CSNK1G1: variants seen among roughly 807,000 people sequenced by gnomAD.
CSNK1G1 encodes the protein casein kinase 1 gamma 1.
Under a neutral mutation model 59.6 loss-of-function variants are expected in CSNK1G1, and 22 were observed. That is an observed-to-expected ratio of 0.37 (90% CI 0.26 to 0.53). The LOEUF is 0.53. Ranked by LOEUF, CSNK1G1 falls within the 20% of genes least tolerant of loss-of-function variation. The probability of loss-of-function intolerance (pLI) is 0.89; values close to 1 mark genes in which losing one functional copy is unlikely to be tolerated. For synonymous variants in CSNK1G1, 179 were observed against 177.1 expected (o/e 1.01, Z -0.08); for missense variants, 384 against 519.5 (o/e 0.74, Z 2.54).
intron 1 of CSNK1G1, chr15:64,348,217 T>C (rs761532918): frequency 2.6e-5 from 4 of 152,146 alleles, no homozygotes; most frequent in African/African-American, 7.2e-5. Context: ...GGTGAAACTA[T>C]GTGTAGGAAA....
chr15:64,223,671 C>T (rs1220431061), intron 4 of CSNK1G1, among the ~76,000 whole-genome samples: 1 of 152,170 alleles, frequency 6.6e-6, no homozygotes, highest in Non-Finnish European at 1.5e-5. Flanking sequence ...CCTTTAACTA[C>T]AGGTTAAATC....
At chr15:64,181,146 G>A (rs187974746) in intron 10 of CSNK1G1, 2 of 1,478,050 alleles carry the variant, frequency 1.4e-6, no homozygotes, top group Admixed American at 2.4e-5. Flanking sequence ...CAAGAGGGAA[G>A]ATGGTAAAAA....
chr15:64,311,766 G>A (rs1229805980), intron 1 of CSNK1G1, among the ~76,000 whole-genome samples: 1 of 150,562 alleles, frequency 6.6e-6, no homozygotes, highest in African/African-American at 2.4e-5. Context: ...TGTAATCCCA[G>A]CTACTTGGGT....
chr15:64,172,068 G>C (rs767957918), intron 11 of CSNK1G1, 83 bp from the exon 12 acceptor site: 9 of 1,330,478 alleles, frequency 6.8e-6, no homozygotes, highest in Non-Finnish European at 9.7e-6. Flanking sequence ...TTACTGCAGG[G>C]GTGGAATTTT....
chr15:64,294,488 A>G (rs1894907143), intron 2 of CSNK1G1, among the ~76,000 whole-genome samples: 1 of 152,230 alleles, frequency 6.6e-6, no homozygotes, highest in Non-Finnish European at 1.5e-5. Context: ...AGACACCTCT[A>G]AAGTAGAATT....
At chr15:64,322,423 G>A (rs913616782) in intron 1 of CSNK1G1, among the ~76,000 whole-genome samples, 5 of 151,610 alleles carry the variant, frequency 3.3e-5, no homozygotes, top group Non-Finnish European at 5.9e-5. Flanking sequence ...GGCTGGTCTC[G>A]AACTCCTGGG....
intron 1 of CSNK1G1, among the ~76,000 whole-genome samples, chr15:64,305,638 G>C (rs763545259): frequency 6.6e-6 from 1 of 150,458 alleles, no homozygotes; most frequent in South Asian, 2.1e-4. Flanking sequence ...AGGATTGTTT[G>C]AGCCCAGGAG....
At position 64,346,606 on chromosome 15, in the gene CSNK1G1, C is replaced by T. The variant is rs944090512; in HGVS notation, c.-225+9382G>A. Among the ~76,000 whole-genome samples, 6 of 151,920 alleles carry T rather than the reference C, an allele frequency of 3.9e-5. 1 individual carries two copies. The East Asian group carries it at 1.2e-3, about 29-fold the overall frequency. ...CTGAGTAGCTGGGATTACAGACGCA[C>T]ACCACCACACCCGGCTAATTTTTGT... On this transcript the variant is annotated intron_variant, in intron 1 of 11. Coordinates refer to ENST00000303052, the MANE Select transcript of CSNK1G1 (RefSeq NM_022048.5).
chr15:64,204,573 G>A lies in CSNK1G1; in HGVS notation c.867C>T (p.Tyr289=). 6.2e-7 allele frequency: 1 copy of A among 1,613,620 alleles called. No individual in the cohort carries two copies. The highest frequency in any genetic ancestry group is 1.3e-5 in the African/African-American group (1 of 74,986). Residue 289 remains tyrosine, a synonymous_variant, in exon 9 of 12, where the codon TAC becomes TAT. Coordinates refer to ENST00000303052, the MANE Select transcript of CSNK1G1 (RefSeq NM_022048.5). ...AGTCCAGTCGCCTGACATATCGAAG[G>A]TAGGTTGCCATCTCCTCTGTTAGGA... The part of the protein sequence containing the change: ...CENFPEEMAT[Y]LRYVRRLDFF...
chr15:64,244,196 A>G (rs1400777925), intron 4 of CSNK1G1, among the ~76,000 whole-genome samples: 2 of 151,970 alleles, frequency 1.3e-5, no homozygotes, highest in African/African-American at 4.8e-5. Context: ...TAAGAAATAA[A>G]TAAATTAGTA....
chr15:64,289,624 T>G (rs1390578759), intron 2 of CSNK1G1, among the ~76,000 whole-genome samples: 2 of 151,872 alleles, frequency 1.3e-5, no homozygotes, highest in Non-Finnish European at 2.9e-5. Context: ...GCAAAAGAAA[T>G]AAGAGAGTGA....
chr15:64,339,232 T>C (rs1411525641), intron 1 of CSNK1G1, among the ~76,000 whole-genome samples: 2 of 152,120 alleles, frequency 1.3e-5, no homozygotes, highest in African/African-American at 2.4e-5. Flanking sequence ...AATGGAAATT[T>C]GGAGGCCCTA....
intron 4 of CSNK1G1, among the ~76,000 whole-genome samples, chr15:64,245,824 G>T (rs1412999752): frequency 1.3e-5 from 2 of 151,996 alleles, no homozygotes; most frequent in African/African-American, 4.8e-5. Context: ...GGAACTGGAG[G>T]CCTTTATAAT....
intron 4 of CSNK1G1, among the ~76,000 whole-genome samples, chr15:64,217,113 T>C (rs770604496): frequency 7.9e-5 from 12 of 152,262 alleles, no homozygotes; most frequent in Non-Finnish European, 1.6e-4. Flanking sequence ...ATCTGGTTCA[T>C]GAGCACTCTC....
rs543956228 is a variant in CSNK1G1, at chr15:64,288,302, A to G, written c.181+12017T>C. 8.5e-5 allele frequency among the ~76,000 whole-genome samples: 13 copies of G among 152,340 alleles called. No homozygotes were observed. The East Asian group carries it at 2.5e-3, about 29-fold the overall frequency. ...AAATTATTGAACCAAAAAATATGAC[A>G]TAAGTATATTGGGAGAATATGGGCA... is the stretch of plus-strand genomic sequence containing the variant. On this transcript the variant is annotated intron_variant, in intron 2 of 11. Transcript: ENST00000303052.
intron 1 of CSNK1G1, among the ~76,000 whole-genome samples, chr15:64,323,645 A>G (rs1896685947): frequency 6.6e-6 from 1 of 152,156 alleles, no homozygotes; most frequent in African/African-American, 2.4e-5. Context: ...GATTACAGGT[A>G]TGAACCACTG....
chr15:64,224,553 T>C (rs2082431946), intron 4 of CSNK1G1, among the ~76,000 whole-genome samples: 1 of 152,236 alleles, frequency 6.6e-6, no homozygotes, highest in South Asian at 2.1e-4. Flanking sequence ...CTCATGTCTC[T>C]GACTCTGAAA....
intron 1 of CSNK1G1, among the ~76,000 whole-genome samples, chr15:64,311,402 A>G (rs1321842835): frequency 6.6e-6 from 1 of 152,220 alleles, no homozygotes; most frequent in East Asian, 1.9e-4. Flanking sequence ...GAATAATAGC[A>G]ATTACAGAAG....
intron 4 of CSNK1G1, among the ~76,000 whole-genome samples, chr15:64,227,338 T>G (rs976200727): frequency 6.6e-6 from 1 of 152,230 alleles, no homozygotes; most frequent in Non-Finnish European, 1.5e-5. Flanking sequence ...ATTTCTACAT[T>G]GACTTCTGTG....
Sources: gnomAD v4.1 joint callset for allele counts (sites outside exome capture counted in the v4.1 genomes callset) on GRCh38, gnomAD v4.1.1 for gene constraint, MANE v1.5 for transcripts, NCBI Gene and HGNC (gene_info 2026-07-23, HGNC 2026-07-21) for gene names.